WDR41: variants seen among roughly 807,000 people sequenced by gnomAD.
WDR41 encodes the protein WD repeat-containing protein 41.
In WDR41, 63 loss-of-function variants were observed where a neutral mutation model predicts 69.3. That is an observed-to-expected ratio of 0.91 (90% confidence interval 0.74 to 1.12). WDR41 has a LOEUF of 1.12. Ranked by LOEUF, WDR41 falls within the 50% of genes most tolerant of loss-of-function variation. The pLI is 0.00. For synonymous variants in WDR41, 185 were observed against 192.1 expected (o/e 0.96, Z 0.31); for missense variants, 543 against 534.5 (o/e 1.02, Z -0.16).
chr5:77,590,905 T>C (rs1017795537), intron 1 of WDR41, among the ~76,000 whole-genome samples: 6 of 152,198 alleles, frequency 3.9e-5, no homozygotes, highest in African/African-American at 1.2e-4. Context: ...GTGCTCCCTC[T>C]TTTTTTGTTT....
chr5:77,476,283 G>C (rs1800927081), intron 2 of WDR41, among the ~76,000 whole-genome samples: 1 of 151,814 alleles, frequency 6.6e-6, no homozygotes, highest in Admixed American at 6.6e-5. Context: ...CCCCAATCTA[G>C]CAAGGCAGGC....
chr5:77,453,539 C>T (rs538372239), intron 6 of WDR41, among the ~76,000 whole-genome samples: 2 of 152,286 alleles, frequency 1.3e-5, no homozygotes, highest in South Asian at 4.2e-4. Context: ...TAAGGGTCTG[C>T]TTCTAGGTAT....
At chr5:77,457,628 T>C (rs1177568501) in intron 5 of WDR41, among the ~76,000 whole-genome samples, 1 of 152,150 alleles carries the variant, frequency 6.6e-6, no homozygotes, top group Non-Finnish European at 1.5e-5. Context: ...TATCAATTTA[T>C]AGTCTCAATA....
At chr5:77,477,374 G>T (rs1274634973) in intron 2 of WDR41, among the ~76,000 whole-genome samples, 1 of 136,428 alleles carries the variant, frequency 7.3e-6, no homozygotes, top group Non-Finnish European at 1.5e-5. Flanking sequence ...AATATACATT[G>T]TTTTCAGCAC....
chr5:77,561,055 A>G (rs974205182), intron 1 of WDR41, among the ~76,000 whole-genome samples: 1 of 152,182 alleles, frequency 6.6e-6, no homozygotes, highest in Non-Finnish European at 1.5e-5. Context: ...GATGTTGACA[A>G]GTATTTCATT....
chr5:77,475,155 T>G (rs1389632274), intron 2 of WDR41, among the ~76,000 whole-genome samples: 1 of 152,148 alleles, frequency 6.6e-6, no homozygotes, highest in African/African-American at 2.4e-5. Flanking sequence ...GCACCTCACT[T>G]GGAGGGTCCT....
At chr5:77,436,451 T>C in intron 11 of WDR41, 57 bp from the exon 12 acceptor site, 1 of 1,586,412 alleles carries the variant, frequency 6.3e-7, no homozygotes, top group South Asian at 1.1e-5. Context: ...TAACATGAGA[T>C]CAGAAAAACA....
intron 1 of WDR41, among the ~76,000 whole-genome samples, chr5:77,552,926 C>G (rs1023853441): frequency 1.3e-5 from 2 of 152,158 alleles, no homozygotes; most frequent in Admixed American, 6.5e-5. Flanking sequence ...TAAAACAAAC[C>G]TATAAGACTT....
chr5:77,572,560 T>C (rs1490119575), intron 1 of WDR41, among the ~76,000 whole-genome samples: 1 of 152,210 alleles, frequency 6.6e-6, no homozygotes, highest in Non-Finnish European at 1.5e-5. Context: ...CATTTCCCAA[T>C]GACAATTTTT....
At chr5:77,491,167 G>C (rs1016314096) in intron 1 of WDR41, 3 of 407,942 alleles carry the variant, frequency 7.4e-6, no homozygotes, top group Non-Finnish European at 1.5e-5. Context: ...AAAATGGCCG[G>C]TCCTCGCCTT....
chr5:77,531,339 G>T (rs1297081420), intron 1 of WDR41, among the ~76,000 whole-genome samples: 41 of 151,888 alleles, frequency 2.7e-4, no homozygotes. Flanking sequence ...TTTAAAAATG[G>T]GCAAAGGACT....
Position 77,431,986 on chromosome 5 carries a change from A to G in WDR41, c.*1149T>C, listed in dbSNP as rs1218458781. 1 of 152,318 alleles carries G rather than the reference A, an allele frequency of 6.6e-6. No individual in the cohort carries two copies. Among genetic ancestry groups the G allele is most frequent in the East Asian group, 1.9e-4 (1 of 5,184 alleles). The allele number at this position is 152,318 out of a possible 1,614,324, so 9.4% of individuals were successfully genotyped here. On this transcript the variant is annotated 3_prime_UTR_variant, in exon 13 of 13. Transcript: ENST00000296679. Reference sequence around the variant, plus strand: ...TACTGCACTGGGCCTCAGTTTCCTCATTTGTAACATTATGCCACTGGTCTA... The same window carrying G: ...TACTGCACTGGGCCTCAGTTTCCTCGTTTGTAACATTATGCCACTGGTCTA...
At chr5:77,568,894 A>G (rs1743683558) in intron 1 of WDR41, among the ~76,000 whole-genome samples, 1 of 152,144 alleles carries the variant, frequency 6.6e-6, no homozygotes, top group African/African-American at 2.4e-5. Context: ...ACTGAGGCAG[A>G]AAAACCCTAA....
intron 1 of WDR41, among the ~76,000 whole-genome samples, chr5:77,555,821 C>T (rs1743379374): frequency 6.6e-6 from 1 of 152,058 alleles, no homozygotes; most frequent in South Asian, 2.1e-4. Flanking sequence ...AATACTATTT[C>T]AATCAAAATC....
At chr5:77,514,263 G>A (rs1450826585) in intron 1 of WDR41, among the ~76,000 whole-genome samples, 2 of 151,822 alleles carry the variant, frequency 1.3e-5, no homozygotes, top group Admixed American at 6.6e-5. Flanking sequence ...TTTGTGCTAC[G>A]TGTTTTCCAG....
intron 1 of WDR41, among the ~76,000 whole-genome samples, chr5:77,555,173 T>C (rs566950121): frequency 2.0e-5 from 3 of 152,172 alleles, no homozygotes; most frequent in Non-Finnish European, 4.4e-5. Flanking sequence ...AATCAGTGAA[T>C]TGTATTAATT....
Position 77,453,927 on chromosome 5 carries a change from C to T in WDR41, c.413G>A (p.Cys138Tyr). The T allele has an allele frequency of 6.2e-7, 1 of 1,612,228 alleles. No individual in the cohort carries two copies. ...ATCTAGTCTCTGAAGAACAGTTAAA[C>T]ACTGCAAAATTTATTTGAAATGTAT... is the stretch of plus-strand genomic sequence containing the variant. ...RISCFQSTVKCLTVLQRLDVW... is the reference protein window; with the variant it reads ...RISCFQSTVKYLTVLQRLDVW... Residue 138 changes from cysteine (C) to tyrosine (Y), a missense_variant and splice_region_variant, in exon 6 of 13, where the codon TGT (cysteine) becomes TAT (tyrosine). Coordinates refer to ENST00000296679, the MANE Select transcript of WDR41 (RefSeq NM_018268.4).
intron 2 of WDR41, among the ~76,000 whole-genome samples, chr5:77,483,571 T>A (rs1801384698): frequency 6.6e-6 from 1 of 152,016 alleles, no homozygotes; most frequent in Admixed American, 6.6e-5. Flanking sequence ...CATTAACCTG[T>A]CTTTTGTATG....
chr5:77,520,978 T>A (rs922170796), intron 1 of WDR41, among the ~76,000 whole-genome samples: 7 of 152,182 alleles, frequency 4.6e-5, no homozygotes, highest in African/African-American at 1.7e-4. Flanking sequence ...CCACCTGAGT[T>A]TCTCATCCTC....
Sources: allele counts gnomAD v4.1 joint callset (sites outside exome capture counted in the v4.1 genomes callset), GRCh38; gene constraint gnomAD v4.1.1; transcripts MANE v1.5; gene names NCBI Gene and HGNC (gene_info 2026-07-23, HGNC 2026-07-21).